Variants in ZC3H13 observed in about 807,000 individuals in gnomAD.
ZC3H13 encodes the protein zinc finger CCCH-type containing 13, also known as zinc finger CCCH domain-containing protein 13.
Under a neutral mutation model 204.1 loss-of-function variants are expected in ZC3H13, and 64 were observed. The ratio of observed to expected loss-of-function variants is 0.31; its 90% confidence interval spans 0.26 to 0.39. The LOEUF (loss-of-function observed/expected upper bound fraction) is 0.39. ZC3H13 is among the 10% of genes least tolerant of loss of function. The probability of loss-of-function intolerance (pLI) is 1.00; values close to 1 mark genes in which losing one functional copy is unlikely to be tolerated. For synonymous variants in ZC3H13, 667 were observed against 693.7 expected (o/e 0.96, Z 0.60); for missense variants, 1,833 against 2,082.7 (o/e 0.88, Z 2.33).
At chr13:46,029,718 G>A (rs535580454) in intron 4 of ZC3H13, among the ~76,000 whole-genome samples, 7 of 151,912 alleles carry the variant, frequency 4.6e-5, no homozygotes, top group South Asian at 2.1e-4. Context: ...GTGAGCCACC[G>A]CGCCCGGCCG....
At chr13:46,003,753 T>C (rs1421897533) in intron 7 of ZC3H13, among the ~76,000 whole-genome samples, 1 of 152,218 alleles carries the variant, frequency 6.6e-6, no homozygotes, top group African/African-American at 2.4e-5. Flanking sequence ...TTGCCATATA[T>C]CTTACTTTCT....
At chr13:45,965,878 A>G (rs1385778076) in intron 15 of ZC3H13, among the ~76,000 whole-genome samples, 2 of 152,166 alleles carry the variant, frequency 1.3e-5, no homozygotes, top group African/African-American at 4.8e-5. Flanking sequence ...ATTTACTCGA[A>G]GCTTAAATCT....
chr13:46,052,106 T>C (rs4942469), intron 1 of ZC3H13: 18,932 of 155,464 alleles, frequency 0.12, 1,572 homozygotes, highest in East Asian at 0.28. Context: ...CACCCTTCCA[T>C]CGCACACAAA....
intron 1 of ZC3H13, among the ~76,000 whole-genome samples, chr13:46,050,002 G>A (rs1326663273): frequency 6.6e-6 from 1 of 151,956 alleles, no homozygotes; most frequent in Non-Finnish European, 1.5e-5. Context: ...TCTCAAACAC[G>A]AGCATTATCA....
At chr13:46,049,784 G>A (rs1566378724) in intron 1 of ZC3H13, among the ~76,000 whole-genome samples, 2 of 152,076 alleles carry the variant, frequency 1.3e-5, no homozygotes, top group Non-Finnish European at 2.9e-5. Context: ...AACATGACAA[G>A]TAAATGCTTC....
intron 4 of ZC3H13, among the ~76,000 whole-genome samples, chr13:46,022,043 G>C (rs1432034086): frequency 2.6e-5 from 4 of 151,860 alleles, no homozygotes; most frequent in African/African-American, 7.2e-5. Context: ...AGTAGTGCTG[G>C]TGCTGCAAAA....
chr13:45,997,746 G>A (rs558437357), intron 8 of ZC3H13, among the ~76,000 whole-genome samples: 22 of 152,136 alleles, frequency 1.4e-4, no homozygotes, highest in African/African-American at 5.1e-4. Flanking sequence ...CCATGTAAAT[G>A]GGTAACTCAA....
At chr13:45,991,404 T>C (rs1001896053) in intron 8 of ZC3H13, among the ~76,000 whole-genome samples, 37 of 152,326 alleles carry the variant, frequency 2.4e-4, no homozygotes, top group African/African-American at 8.7e-4. Flanking sequence ...GGTTGTCAAA[T>C]AATGGCTTCA....
chr13:46,010,237 C>A (rs1157096719), intron 7 of ZC3H13, 111 bp downstream of exon 7: 6 of 1,101,780 alleles, frequency 5.4e-6, no homozygotes, highest in African/African-American at 1.6e-5. Flanking sequence ...AACAAAAAAG[C>A]TTACATTAAA....
chr13:46,043,441 T>A (rs1426618953), intron 3 of ZC3H13, among the ~76,000 whole-genome samples: 1 of 152,092 alleles, frequency 6.6e-6, no homozygotes, highest in East Asian at 1.9e-4. Context: ...TATAATGATG[T>A]ACATGTAAAT....
intron 1 of ZC3H13, among the ~76,000 whole-genome samples, chr13:46,047,205 A>C (rs9534294): frequency 0.12 from 18,634 of 152,208 alleles, 1,539 homozygotes; most frequent in East Asian, 0.28. Flanking sequence ...AACATTTGAT[A>C]AATAAAAGAT....
At chr13:46,036,910 G>GGT (rs1435781557) in intron 4 of ZC3H13, among the ~76,000 whole-genome samples, 1 of 151,956 alleles carries the variant, frequency 6.6e-6, no homozygotes, top group East Asian at 1.9e-4. Context: ...GTAGAGACGG[G>GGT]GTTTTGCTAT....
chr13:45,962,655 C>T (rs1951773436), intron 17 of ZC3H13: 1 of 979,864 alleles, frequency 1.0e-6, no homozygotes, highest in Middle Eastern at 5.3e-4. Flanking sequence ...AAATTTACTG[C>T]TTATGCTAAT....
At chr13:45,996,857 G>A (rs2040374886) in intron 8 of ZC3H13, among the ~76,000 whole-genome samples, 1 of 151,656 alleles carries the variant, frequency 6.6e-6, no homozygotes, top group African/African-American at 2.4e-5. Context: ...AGAAGGAATA[G>A]TCTATACATG....
chr13:45,972,940 A>G (rs1952709068), intron 12 of ZC3H13, among the ~76,000 whole-genome samples: 1 of 152,184 alleles, frequency 6.6e-6, no homozygotes, highest in Non-Finnish European at 1.5e-5. Flanking sequence ...AAGATGCCCT[A>G]ATTGCCAGAC....
rs757007729 is a variant in ZC3H13, at chr13:45,975,750, T to C, written c.2001A>G (p.Arg667=). 3 of 1,613,866 alleles carry C rather than the reference T, an allele frequency of 1.9e-6. No individual in the cohort carries two copies. The African/African-American group carries it at 4.0e-5, about 22-fold the overall frequency. ...DERREERRVD[R]VDDRRDERAR... Reference sequence around the variant, plus strand: ...CCCTTTCATCTCTCCTATCATCCACTCTGTCTACTCTTCGTTCCTCTCTTC... The same window carrying C: ...CCCTTTCATCTCTCCTATCATCCACCCTGTCTACTCTTCGTTCCTCTCTTC... The change falls in exon 12 of 19, where the codon AGA becomes AGG. Residue 667 remains arginine (R), a synonymous_variant. Transcript: ENST00000679008.
At position 45,969,707 on chromosome 13, in the gene ZC3H13, C is replaced by T. The variant is rs763875341; in HGVS notation, c.2837G>A (p.Arg946Gln). The change falls in exon 14 of 19, where the codon CGA becomes CAA. Residue 946 changes from arginine (R) to glutamine (Q), a missense_variant. Physicochemically the swap from Arg to Gln is conservative, Grantham distance 43 (BLOSUM62 1). This residue lies in a region of ZC3H13 where 1,574 missense variants were observed against 1,757.2 expected (regional missense o/e 0.90). Transcript: ENST00000679008. Reference sequence around the variant, plus strand: ...ATCATGAGCTCGATCAGATGTCTCTCGATCTTCAGACTGGTGGTGTCCTAT... The same window carrying T: ...ATCATGAGCTCGATCAGATGTCTCTTGATCTTCAGACTGGTGGTGTCCTAT... ...DIIGHHQSED[R>Q]ETSDRAHDEN... The T allele has an allele frequency of 6.8e-6, 11 of 1,613,568 alleles. No homozygotes were observed. The highest frequency in any genetic ancestry group is 4.5e-5 in the East Asian group (2 of 44,894).
At chr13:46,041,959 C>G (rs770527407) in intron 4 of ZC3H13, among the ~76,000 whole-genome samples, 3 of 152,062 alleles carry the variant, frequency 2.0e-5, no homozygotes, top group Non-Finnish European at 4.4e-5. Flanking sequence ...GCCAACTAAT[C>G]CCTTTCATCT....
chr13:45,989,430 T>C (rs569447900), intron 8 of ZC3H13, among the ~76,000 whole-genome samples: 57 of 152,184 alleles, frequency 3.7e-4, no homozygotes, highest in Middle Eastern at 3.4e-3. Flanking sequence ...TGTGAACAAA[T>C]ACTTAGAGGG....
Sources: allele counts gnomAD v4.1 joint callset (sites outside exome capture counted in the v4.1 genomes callset), GRCh38; gene constraint gnomAD v4.1.1; regional missense constraint gnomAD v4.1.1; transcripts MANE v1.5; gene names NCBI Gene and HGNC (gene_info 2026-07-23, HGNC 2026-07-21).